Variants in PCDHGA2 observed in about 807,000 individuals in gnomAD.
PCDHGA2 encodes the protein protocadherin gamma subfamily A, 2, also known as protocadherin gamma-A2.
Under a neutral mutation model 59.2 loss-of-function variants are expected in PCDHGA2, and 40 were observed. The observed-to-expected ratio is 0.68, with a 90% confidence interval of 0.52 to 0.88. The LOEUF (loss-of-function observed/expected upper bound fraction) is 0.88. PCDHGA2 is among the 40% of genes least tolerant of loss of function. PCDHGA2 has a pLI of 0.00. For missense variants in PCDHGA2, 1,226 were observed against 1,204.0 expected, an observed-to-expected ratio of 1.02 and a Z score of -0.27; for synonymous variants, 560 against 526.0, an observed-to-expected ratio of 1.06 and a Z score of -0.89.
chr5:141,427,504 C>A (rs755936092), intron 1 of PCDHGA2: 8 of 579,302 alleles, frequency 1.4e-5, no homozygotes, highest in Middle Eastern at 2.7e-4. Context: ...ACAGATGGGA[C>A]CCTGGATTGG....
rs552811383 is a variant in PCDHGA2, at chr5:141,351,385, T to C, written c.2424+9990T>C. 2.0e-5 allele frequency: 32 copies of C among 1,612,156 alleles called. No individual in the cohort carries two copies. In the South Asian group the frequency reaches 3.2e-4, roughly 16 times the overall value. On this transcript the variant is annotated intron_variant, in intron 1 of 3. Transcript: ENST00000394576. ...TGCGAGACAAGGATTCTGGGCAAAA[T>C]GGCATGGTGACATGCTATACTCAGG...
rs200576950 is a variant in PCDHGA2 at position 141,477,475 on chromosome 5, C to T, written c.2425-17332C>T. The T allele has an allele frequency of 1.2e-6, 2 of 1,614,124 alleles. No individual in the cohort carries two copies. Among genetic ancestry groups the T allele is most frequent in the African/African-American group, 2.7e-5 (2 of 75,010 alleles). ...TTCAAGTGTCCGACATCAATGACAACCCTCCACAATCTTCTCAATCTTCCT... is the reference window on the plus strand; with the variant it reads ...TTCAAGTGTCCGACATCAATGACAATCCTCCACAATCTTCTCAATCTTCCT... On this transcript the variant is annotated intron_variant, in intron 1 of 3. Transcript: ENST00000394576. The surrounding 1 kb of genome is among the most constrained non-coding windows in gnomAD (Gnocchi z 4.9).
At chr5:141,344,519 A>AG in intron 1 of PCDHGA2, 1 of 1,613,986 alleles carries the variant, frequency 6.2e-7, no homozygotes, top group Non-Finnish European at 8.5e-7. Flanking sequence ...ACCCAGATGT[A>AG]GGCATTAACT....
chr5:141,343,326 CT>C (rs1561486328), intron 1 of PCDHGA2: 1 of 980,176 alleles, frequency 1.0e-6, no homozygotes, highest in Non-Finnish European at 1.2e-6. Context: ...TGTTTCTTTT[CT>C]TTTTTTCCTT....
At chr5:141,415,366 G>T in intron 1 of PCDHGA2, 1 of 1,614,252 alleles carries the variant, frequency 6.2e-7, no homozygotes, top group South Asian at 1.1e-5. Flanking sequence ...CCTGCTGCAG[G>T]CTTCAGGAGG....
intron 1 of PCDHGA2, among the ~76,000 whole-genome samples, chr5:141,402,210 TTAAAA>T (rs1240114840): frequency 6.6e-6 from 1 of 152,008 alleles, no homozygotes; most frequent in African/African-American, 2.4e-5. Context: ...ATACAAAAAT[TTAAAA>T]TAAACGTTTT....
chr5:141,453,701 AAC>A (rs1250174252), intron 1 of PCDHGA2, among the ~76,000 whole-genome samples: 1 of 152,240 alleles, frequency 6.6e-6, no homozygotes, highest in Non-Finnish European at 1.5e-5. Context: ...CCTGGCTTTG[AAC>A]AGTTTCACTA....
At chr5:141,450,815 A>ATTAT (rs1554136868) in intron 1 of PCDHGA2, among the ~76,000 whole-genome samples, 98 of 126,742 alleles carry the variant, frequency 7.7e-4, no homozygotes, top group African/African-American at 3.1e-3. Flanking sequence ...TATTTATTTA[A>ATTAT]TATTATTATT....
At chr5:141,394,740 G>C in intron 1 of PCDHGA2, 2 of 1,613,404 alleles carry the variant, frequency 1.2e-6, no homozygotes, top group Non-Finnish European at 1.7e-6. Context: ...GCAGAGCCTC[G>C]TGGTGGCCGT....
At chr5:141,454,875 T>G (rs2098805612) in intron 1 of PCDHGA2, among the ~76,000 whole-genome samples, 1 of 144,402 alleles carries the variant, frequency 6.9e-6, no homozygotes, top group African/African-American at 2.6e-5. Context: ...TGGCACGATC[T>G]TGGCTCACTG....
chr5:141,383,820 A>T, intron 1 of PCDHGA2: 1 of 1,613,924 alleles, frequency 6.2e-7, no homozygotes, highest in East Asian at 2.2e-5. Context: ...TAGAAGGATT[A>T]GATTATGAAG....
intron 1 of PCDHGA2, among the ~76,000 whole-genome samples, chr5:141,450,145 T>A (rs2098671113): frequency 6.6e-6 from 1 of 151,890 alleles, no homozygotes; most frequent in South Asian, 2.1e-4. Flanking sequence ...TAGCTGGGAC[T>A]ACAGGCATGT....
At chr5:141,376,366 A>C in intron 1 of PCDHGA2, 1 of 1,614,206 alleles carries the variant, frequency 6.2e-7, no homozygotes, top group Non-Finnish European at 8.5e-7. Context: ...CACTCACTGC[A>C]GACTCGCGTA....
chr5:141,427,983 C>G, intron 1 of PCDHGA2: 2 of 1,596,840 alleles, frequency 1.3e-6, no homozygotes, highest in South Asian at 2.2e-5. Context: ...CGCGCTGGGG[C>G]CCGATGGCTC....
chr5:141,497,384 A>G (rs2099776099), intron 2 of PCDHGA2, among the ~76,000 whole-genome samples: 1 of 151,900 alleles, frequency 6.6e-6, no homozygotes, highest in African/African-American at 2.4e-5. Context: ...TGGGGTGAGC[A>G]CCTTACCCCT....
Position 141,344,905 on chromosome 5 carries a change from T to C in PCDHGA2, c.2424+3510T>C, listed in dbSNP as rs766713915. 4 of 1,613,780 alleles carry C rather than the reference T, an allele frequency of 2.5e-6. No individual in the cohort carries two copies. The highest frequency in any genetic ancestry group is 3.3e-5 in the Admixed American group (2 of 60,008). ...AAAATGCCTGGGAAAATCGCTGAGA[T>C]TTTCCATCTTAACTCAGTGAGTGGA... On this transcript the variant is annotated intron_variant, in intron 1 of 3. Coordinates refer to ENST00000394576, the MANE Select transcript of PCDHGA2 (RefSeq NM_018915.4).
intron 1 of PCDHGA2, chr5:141,413,858 G>T: frequency 6.2e-7 from 1 of 1,613,258 alleles, no homozygotes; most frequent in Non-Finnish European, 8.5e-7. Context: ...CTCCGATCTG[G>T]CACTGTCCTT....
chr5:141,428,857 A>C (rs2097165548), intron 1 of PCDHGA2: 1 of 140,386 alleles, frequency 7.1e-6, no homozygotes, highest in Non-Finnish European at 1.5e-5. Context: ...TTTTTACGGG[A>C]GACTTTTTTT....
At chr5:141,357,769 A>G (rs1051141357) in intron 1 of PCDHGA2, 13 of 952,774 alleles carry the variant, frequency 1.4e-5, no homozygotes, top group Middle Eastern at 3.0e-4. Flanking sequence ...TGACCTTCCA[A>G]TAATGATCAA....
Sources: allele counts gnomAD v4.1 joint callset (sites outside exome capture counted in the v4.1 genomes callset), GRCh38; gene constraint gnomAD v4.1.1; non-coding constraint Gnocchi (gnomAD v3.1); transcripts MANE v1.5; gene names NCBI Gene and HGNC (gene_info 2026-07-23, HGNC 2026-07-21).